SGCZ: variants seen among roughly 807,000 people sequenced by gnomAD.
The protein encoded by SGCZ is zeta-sarcoglycan.
Under a neutral mutation model 41.3 loss-of-function variants are expected in SGCZ, and 40 were observed. That is an observed-to-expected ratio of 0.97 (90% CI 0.75 to 1.26). The LOEUF is 1.26. Ranked by LOEUF, SGCZ falls within the 50% of genes most tolerant of loss-of-function variation. The pLI is 0.00. For synonymous variants in SGCZ, 206 were observed against 137.5 expected (o/e 1.50, Z -3.49); for missense variants, 552 against 369.8 (o/e 1.49, Z -4.04).
rs1192318213 is a variant in SGCZ, at chr8:14,331,640, TA to T, written c.235-7437del. Among the ~76,000 whole-genome samples the T allele has an allele frequency of 2.0e-5, 3 of 151,962 alleles. No homozygotes were observed. In the East Asian group the frequency reaches 6.1e-4, roughly 31 times the overall value. ...AAACATTTTTATAGATTGCTGTTAA[TA>T]ATATAACTTTTACCATCCTGAATAT... On this transcript the variant is annotated intron_variant, in intron 2 of 7. Transcript: ENST00000382080.
At chr8:14,785,411 A>G (rs1800737078) in intron 1 of SGCZ, among the ~76,000 whole-genome samples, 1 of 152,176 alleles carries the variant, frequency 6.6e-6, no homozygotes, top group African/African-American at 2.4e-5. Context: ...GTATCCATAT[A>G]TATTTTTTTA....
At chr8:15,105,413 G>A (rs531326562) in intron 1 of SGCZ, among the ~76,000 whole-genome samples, 141 of 152,250 alleles carry the variant, frequency 9.3e-4, no homozygotes, top group Admixed American at 1.8e-3. Flanking sequence ...TATACAAGAA[G>A]CATGGCTAGG....
At chr8:14,977,588 C>T (rs1801518775) in intron 1 of SGCZ, among the ~76,000 whole-genome samples, 1 of 152,050 alleles carries the variant, frequency 6.6e-6, no homozygotes, top group Non-Finnish European at 1.5e-5. Flanking sequence ...ATCCTAGTAA[C>T]ATCATCATTT....
chr8:15,170,581 G>C (rs1799798568), intron 1 of SGCZ, among the ~76,000 whole-genome samples: 1 of 152,172 alleles, frequency 6.6e-6, no homozygotes, highest in African/African-American at 2.4e-5. Flanking sequence ...CACTTTAAAT[G>C]AAAGAGTCCA....
chr8:14,976,010 ATATATACACATATATATTTTTT>A (rs1801464884), intron 1 of SGCZ, among the ~76,000 whole-genome samples: 3 of 146,502 alleles, frequency 2.0e-5, no homozygotes, highest in South Asian at 4.2e-4. Context: ...ACATATATAT[ATATATACACATATATATTTTTT>A]TTTTTTCTGA....
At chr8:14,951,124 A>G (rs905095835) in intron 1 of SGCZ, among the ~76,000 whole-genome samples, 10 of 151,988 alleles carry the variant, frequency 6.6e-5, no homozygotes, top group African/African-American at 2.4e-4. Context: ...GATGGCCTTA[A>G]TGTAATCTTA....
At chr8:15,174,466 A>G (rs1799939944) in intron 1 of SGCZ, among the ~76,000 whole-genome samples, 1 of 152,196 alleles carries the variant, frequency 6.6e-6, no homozygotes, top group Admixed American at 6.5e-5. Flanking sequence ...CAGAGAGCAA[A>G]AAAACTAAGC....
chr8:14,107,460 A>G (rs1802241485), intron 6 of SGCZ, among the ~76,000 whole-genome samples: 1 of 152,110 alleles, frequency 6.6e-6, no homozygotes, highest in Non-Finnish European at 1.5e-5. Context: ...GAACCCCATC[A>G]TAGTCCAGTT....
intron 1 of SGCZ, among the ~76,000 whole-genome samples, chr8:14,817,818 A>G (rs926182274): frequency 1.3e-5 from 2 of 152,188 alleles, no homozygotes; most frequent in African/African-American, 4.8e-5. Context: ...AGCTACATCC[A>G]GTTCAACAGT....
chr8:14,553,045 G>C lies in SGCZ; in HGVS notation c.234+1687C>G, dbSNP rs139417703. Among the ~76,000 whole-genome samples, 7 of 152,102 alleles carry C rather than the reference G, an allele frequency of 4.6e-5. No individual in the cohort carries two copies. In the South Asian group the frequency reaches 6.2e-4, roughly 14 times the overall value. ...TTAGTTAAAAAATGAGGCTGAAAAT[G>C]TTTTCAGCAACTGATAGTCTGGTTG... On this transcript the variant is annotated intron_variant, in intron 2 of 7. Transcript: ENST00000382080.
chr8:14,880,593 C>T (rs957454649), intron 1 of SGCZ, among the ~76,000 whole-genome samples: 1 of 152,064 alleles, frequency 6.6e-6, no homozygotes, highest in Non-Finnish European at 1.5e-5. Context: ...GAAAATGTGG[C>T]ACATATACAC....
intron 1 of SGCZ, among the ~76,000 whole-genome samples, chr8:15,219,859 A>G (rs1274900400): frequency 6.6e-6 from 1 of 152,212 alleles, no homozygotes; most frequent in African/African-American, 2.4e-5. Flanking sequence ...AATATTCCTG[A>G]AGTGCCTATA....
chr8:14,636,282 GT>G (rs1806826545), intron 1 of SGCZ, among the ~76,000 whole-genome samples: 2 of 151,768 alleles, frequency 1.3e-5, no homozygotes, highest in African/African-American at 2.4e-5. Flanking sequence ...ATGTTGAAGG[GT>G]TTTAAGGAGG....
intron 4 of SGCZ, among the ~76,000 whole-genome samples, chr8:14,174,581 A>G (rs1163424185): frequency 1.3e-5 from 2 of 152,176 alleles, no homozygotes; most frequent in Admixed American, 6.5e-5. Flanking sequence ...ACCTAAGCGC[A>G]TCTTAGTGAA....
At chr8:15,190,523 G>C (rs1277760563) in intron 1 of SGCZ, among the ~76,000 whole-genome samples, 1 of 152,108 alleles carries the variant, frequency 6.6e-6, no homozygotes, top group South Asian at 2.1e-4. Flanking sequence ...TTACAATAAA[G>C]CTTTCTTGAA....
chr8:14,215,429 A>T (rs1805961129), intron 4 of SGCZ, among the ~76,000 whole-genome samples: 1 of 152,172 alleles, frequency 6.6e-6, no homozygotes, highest in South Asian at 2.1e-4. Flanking sequence ...GAGTAGTCAA[A>T]TGAATAATCT....
At chr8:14,865,860 C>A (rs767119913) in intron 1 of SGCZ, among the ~76,000 whole-genome samples, 3 of 151,944 alleles carry the variant, frequency 2.0e-5, no homozygotes, top group Admixed American at 2.0e-4. Context: ...AATAATCAAC[C>A]CTTAATTTAT....
intron 1 of SGCZ, among the ~76,000 whole-genome samples, chr8:15,159,154 G>C (rs994426250): frequency 6.6e-6 from 1 of 152,062 alleles, no homozygotes; most frequent in Non-Finnish European, 1.5e-5. Flanking sequence ...TCATGCCTAG[G>C]TAATGAGGCC....
intron 1 of SGCZ, among the ~76,000 whole-genome samples, chr8:14,707,182 C>G (rs76547270): frequency 1.4e-4 from 15 of 107,318 alleles, no homozygotes; most frequent in South Asian, 7.9e-4. Context: ...AACCCTCCCC[C>G]CTCCCCCCAC....
Sources: gnomAD v4.1 joint callset for allele counts (sites outside exome capture counted in the v4.1 genomes callset) on GRCh38, gnomAD v4.1.1 for gene constraint, MANE v1.5 for transcripts, NCBI Gene and HGNC (gene_info 2026-07-23, HGNC 2026-07-21) for gene names.